The following COX10 variants were observed in gnomAD, a reference collection of about 807,000 sequenced individuals.
COX10 encodes the protein cytochrome c oxidase assembly factor heme A:farnesyltransferase COX10, also known as protoheme IX farnesyltransferase, mitochondrial.
Under a neutral mutation model 37.3 loss-of-function variants are expected in COX10, and 27 were observed. That is an observed-to-expected ratio of 0.72 (90% CI 0.53 to 1.00). The LOEUF is 1.00. COX10 is among the 50% of genes least tolerant of loss of function. COX10 has a pLI of 0.00. For missense variants in COX10, 475 were observed against 563.2 expected (o/e 0.84, Z 1.59); for synonymous variants, 222 against 229.1 (o/e 0.97, Z 0.28).
At chr17:14,160,151 G>T (rs1176944627) in intron 5 of COX10, among the ~76,000 whole-genome samples, 3 of 151,156 alleles carry the variant, frequency 2.0e-5, no homozygotes, top group Non-Finnish European at 3.0e-5. Flanking sequence ...GAGTGGCAGG[G>T]TTTTTTTTTA....
At chr17:14,189,283 T>C (rs1041600650) in intron 5 of COX10, among the ~76,000 whole-genome samples, 2 of 152,162 alleles carry the variant, frequency 1.3e-5, no homozygotes, top group African/African-American at 4.8e-5. Flanking sequence ...TTGGTTGTTG[T>C]TTCTACTGTT....
intron 3 of COX10, among the ~76,000 whole-genome samples, chr17:14,096,777 TGAA>T (rs1285493565): frequency 6.6e-6 from 1 of 152,146 alleles, no homozygotes; most frequent in Non-Finnish European, 1.5e-5. Context: ...CTGGAGCAAA[TGAA>T]TCCTGGACAA....
At chr17:14,200,833 G>A (rs1338061056) in intron 6 of COX10, among the ~76,000 whole-genome samples, 6 of 152,210 alleles carry the variant, frequency 3.9e-5, no homozygotes, top group South Asian at 2.1e-4. Flanking sequence ...TCGAAAACAC[G>A]TGGTTTGTTT....
chr17:14,180,354 A>G (rs1905820363), intron 5 of COX10, among the ~76,000 whole-genome samples: 1 of 152,200 alleles, frequency 6.6e-6, no homozygotes, highest in Non-Finnish European at 1.5e-5. Flanking sequence ...AGTGGTATTA[A>G]TGTAGAGAAC....
chr17:14,136,332 A>G (rs948682538), intron 4 of COX10, among the ~76,000 whole-genome samples: 1 of 152,074 alleles, frequency 6.6e-6, no homozygotes. Context: ...ATGACATAAA[A>G]ATGAAGTGTG....
At chr17:14,134,127 TC>T (rs1434649284) in intron 4 of COX10, among the ~76,000 whole-genome samples, 1 of 151,682 alleles carries the variant, frequency 6.6e-6, no homozygotes, top group Non-Finnish European at 1.5e-5. Context: ...TAAGGTAGAC[TC>T]CATGATGCCC....
intron 4 of COX10, among the ~76,000 whole-genome samples, chr17:14,130,044 C>G (rs150085243): frequency 9.7e-4 from 148 of 152,276 alleles, no homozygotes; most frequent in African/African-American, 3.3e-3. Flanking sequence ...AGTGAAGGTG[C>G]TGAAGCCACC....
At chr17:14,184,428 C>T (rs1905963458) in intron 5 of COX10, among the ~76,000 whole-genome samples, 1 of 152,200 alleles carries the variant, frequency 6.6e-6, no homozygotes, top group Admixed American at 6.5e-5. Flanking sequence ...ATTTTAAAAA[C>T]ATATTTCTTA....
At chr17:14,144,544 C>T (rs966666058) in intron 4 of COX10, among the ~76,000 whole-genome samples, 9 of 152,146 alleles carry the variant, frequency 5.9e-5, no homozygotes, top group Non-Finnish European at 2.9e-5. Flanking sequence ...TTTAATTTTG[C>T]AACCTAAATA....
At chr17:14,129,130 G>A (rs1393817492) in intron 4 of COX10, among the ~76,000 whole-genome samples, 1 of 150,806 alleles carries the variant, frequency 6.6e-6, no homozygotes, top group East Asian at 1.9e-4. Context: ...ACAGGCGTGA[G>A]CCACTGTGCC....
chr17:14,200,105 T>G (rs1597548854), intron 6 of COX10, among the ~76,000 whole-genome samples: 1 of 149,792 alleles, frequency 6.7e-6, no homozygotes, highest in East Asian at 2.0e-4. Context: ...GGGGTGGGGG[T>G]GGGAAGGTGC....
chr17:14,078,298 C>A (rs1254104301), intron 3 of COX10, among the ~76,000 whole-genome samples: 2 of 152,028 alleles, frequency 1.3e-5, no homozygotes, highest in Non-Finnish European at 2.9e-5. Flanking sequence ...ATGCTGCCAC[C>A]CCAAAAATGA....
At chr17:14,169,087 C>A (rs560809507) in intron 5 of COX10, among the ~76,000 whole-genome samples, 1 of 152,296 alleles carries the variant, frequency 6.6e-6, no homozygotes, top group Admixed American at 6.5e-5. Context: ...TATGACGGTA[C>A]ACCTTCAGAA....
chr17:14,078,995 G>T (rs571232728), intron 3 of COX10, among the ~76,000 whole-genome samples: 1 of 152,144 alleles, frequency 6.6e-6, no homozygotes, highest in African/African-American at 2.4e-5. Context: ...TGTTAATCCT[G>T]CTCTTGGCCC....
At chr17:14,107,609 C>G (rs1179438318) in intron 4 of COX10, among the ~76,000 whole-genome samples, 1 of 151,752 alleles carries the variant, frequency 6.6e-6, no homozygotes, top group Admixed American at 6.6e-5. Flanking sequence ...CCTGGCTGGC[C>G]TCAGCTTTCA....
At chr17:14,189,665 A>C (rs1019020667) in intron 5 of COX10, among the ~76,000 whole-genome samples, 1 of 152,182 alleles carries the variant, frequency 6.6e-6, no homozygotes, top group African/African-American at 2.4e-5. Flanking sequence ...TTGGTGCAAA[A>C]AATTTTTGAA....
At chr17:14,150,670 G>A (rs377082262) in intron 4 of COX10, among the ~76,000 whole-genome samples, 8 of 152,268 alleles carry the variant, frequency 5.3e-5, no homozygotes, top group African/African-American at 1.7e-4. Flanking sequence ...AGGGAAAGAC[G>A]TTTCAGTTGG....
intron 3 of COX10, among the ~76,000 whole-genome samples, chr17:14,098,320 A>G (rs1170780259): frequency 2.0e-5 from 3 of 152,256 alleles, no homozygotes; most frequent in Admixed American, 6.5e-5. Context: ...CATTGATACT[A>G]TCAGCCTTTC....
chr17:14,162,528 G>A (rs992819982), intron 5 of COX10, among the ~76,000 whole-genome samples: 17 of 151,942 alleles, frequency 1.1e-4, no homozygotes, highest in Non-Finnish European at 2.1e-4. Context: ...TGTCAAAGAA[G>A]ACAGACTTCT....
Sources: allele counts gnomAD v4.1 joint callset (sites outside exome capture counted in the v4.1 genomes callset), GRCh38; gene constraint gnomAD v4.1.1; transcripts MANE v1.5; gene names NCBI Gene and HGNC (gene_info 2026-07-23, HGNC 2026-07-21).